Variants in FADS2 observed in about 807,000 individuals in gnomAD.
FADS2 encodes acyl-CoA 6-desaturase.
Under a neutral mutation model 61.2 loss-of-function variants are expected in FADS2, and 18 were observed. The ratio of observed to expected loss-of-function variants is 0.29; its 90% CI spans 0.20 to 0.44. FADS2 has a LOEUF of 0.44. Among genes scored for constraint, FADS2 ranks in the 20% least tolerant of loss-of-function variants. The pLI, the probability that FADS2 is intolerant of heterozygous loss-of-function variation, is 1.00. For synonymous variants in FADS2, 203 were observed against 223.9 expected (o/e 0.91, Z 0.83); for missense variants, 322 against 572.7 (o/e 0.56, Z 4.47).
Position 61,866,160 on chromosome 11 carries a change from C to G in FADS2, c.*471C>G, listed in dbSNP as rs1218320149. 3 of 398,666 alleles carry G rather than the reference C, an allele frequency of 7.5e-6. No homozygotes were observed. Among genetic ancestry groups the G allele is most frequent in the Non-Finnish European group, 1.3e-5 (3 of 226,674 alleles). The allele number at this position is 398,666 out of a possible 1,614,324, so 24.7% of individuals were successfully genotyped here. On this transcript the variant is annotated 3_prime_UTR_variant, in exon 12 of 12. Coordinates refer to ENST00000278840, the MANE Select transcript of FADS2 (RefSeq NM_004265.4). ...GGGCAGGGCCCCTGACCCTCCCGGC[C>G]TGGCTTCACTCTCCCTGACGGCTGC...
Position 61,863,047 on chromosome 11 carries a change from C to G in FADS2, c.958C>G (p.Leu320Val). 1 of 1,614,186 alleles carries G rather than the reference C, an allele frequency of 6.2e-7. No homozygotes were observed. The highest frequency in any genetic ancestry group is 1.1e-5 in the South Asian group (1 of 91,090). Residue 320 changes from leucine (L) to valine (V), a missense_variant, in exon 8 of 12, where the codon CTC becomes GTC. This residue lies in a region of FADS2 where 221 missense variants were observed against 427.9 expected (regional missense o/e 0.52). Transcript: ENST00000278840. ...CCCTTTCTACGGCATCCTGGGAGCC[C>G]TCCTTTTCCTCAACTTCATCAGGTG... is the stretch of plus-strand genomic sequence containing the variant. The part of the protein sequence containing the change: ...YIPFYGILGA[L>V]LFLNFIRFLE...
intron 7 of FADS2, 67 bp from the exon 8 acceptor site, chr11:61,862,905 G>C: frequency 7.9e-7 from 1 of 1,263,852 alleles, no homozygotes; most frequent in Non-Finnish European, 1.2e-6. Context: ...GTGCACATCT[G>C]GGGCACGCAC....
chr11:61,837,790 G>A lies in FADS2; in HGVS notation c.220G>A (p.Ala74Thr), dbSNP rs373804840. 9 of 1,612,004 alleles carry A rather than the reference G, an allele frequency of 5.6e-6. 1 individual carries two copies. The highest frequency in any genetic ancestry group is 1.3e-5 in the African/African-American group (1 of 74,842). Residue 74 changes from alanine (A) to threonine (T), a missense_variant, in exon 2 of 12, where the codon GCC becomes ACC. Transcript: ENST00000278840. ...AGEDATDAFR[A>T]FHPDLEFVGK... ...CTCTGCTCTCCAGGATGCCTTCCGC[G>A]CCTTCCACCCTGACCTGGAATTCGT...
At chr11:61,821,035 G>T (rs2067033063) in intron 1 of FADS2, among the ~76,000 whole-genome samples, 1 of 152,228 alleles carries the variant, frequency 6.6e-6, no homozygotes. Context: ...TACACAGGTG[G>T]TCACACAGAC....
chr11:61,824,427 AG>A (rs1565325128), upstream of FADS2, among the ~76,000 whole-genome samples: 1 of 8,452 alleles, frequency 1.2e-4, no homozygotes, highest in Non-Finnish European at 3.3e-4. Flanking sequence ...AGAGAGAGAG[AG>A]AGAGAGGGAG....
In FADS2 at chr11:61,816,485, G is replaced by A. The variant is rs566347858; in HGVS notation, c.141+59G>A. On this transcript the variant is annotated intron_variant, in intron 1 of 11. Transcript: ENST00000257261. The surrounding 1 kb of genome is among the most constrained non-coding windows in gnomAD (Gnocchi z 7.0). ...TTAGTCGGTGTTTGGCTCGGAGTGC[G>A]TAACTCTGTCTCCCCTGCACTCAGC... is the stretch of plus-strand genomic sequence containing the variant. The A allele has an allele frequency of 1.7e-5, 27 of 1,600,866 alleles. No individual in the cohort carries two copies. The Admixed American group carries it at 4.2e-4, about 25-fold the overall frequency.
At chr11:61,852,113 G>A (rs1190620145) in intron 5 of FADS2, among the ~76,000 whole-genome samples, 1 of 152,118 alleles carries the variant, frequency 6.6e-6, no homozygotes, top group Non-Finnish European at 1.5e-5. Flanking sequence ...TCCTGAGCCC[G>A]GGCTTGGCCT....
chr11:61,823,768 T>G (rs1261631025), upstream of FADS2, among the ~76,000 whole-genome samples: 1 of 152,184 alleles, frequency 6.6e-6, no homozygotes, highest in Non-Finnish European at 1.5e-5. Context: ...CCTCCCACCT[T>G]GGCCTCCCAA....
At chr11:61,833,110 G>A (rs764761840) in intron 1 of FADS2, among the ~76,000 whole-genome samples, 15 of 152,248 alleles carry the variant, frequency 9.9e-5, no homozygotes, top group East Asian at 1.9e-4. Flanking sequence ...TGTGACAAGC[G>A]CTTCAGAATC....
At chr11:61,835,948 A>G (rs2067170731) in intron 1 of FADS2, among the ~76,000 whole-genome samples, 1 of 152,242 alleles carries the variant, frequency 6.6e-6, no homozygotes, top group East Asian at 1.9e-4. Context: ...GTCACATTTA[A>G]GAAAATTAAT....
At chr11:61,846,408 CTT>C (rs112121999) in intron 4 of FADS2, among the ~76,000 whole-genome samples, 7 of 137,920 alleles carry the variant, frequency 5.1e-5, no homozygotes, top group Admixed American at 3.6e-4. Context: ...CACTCTCTGA[CTT>C]TTTTTTTTTT....
intron 1 of FADS2, among the ~76,000 whole-genome samples, chr11:61,831,695 G>A (rs2067131197): frequency 6.6e-6 from 1 of 152,138 alleles, no homozygotes; most frequent in Non-Finnish European, 1.5e-5. Context: ...ACTCGGATCA[G>A]CCCCGTAGGC....
intron 2 of FADS2, 126 bp from the exon 3 acceptor site, chr11:61,840,208 G>A (rs1315041000): frequency 2.6e-6 from 2 of 767,348 alleles, no homozygotes; most frequent in East Asian, 5.2e-5. Context: ...CGAGGCTTGT[G>A]GCTTGGCCCC....
intron 1 of FADS2, among the ~76,000 whole-genome samples, chr11:61,837,146 T>A (rs191458568): frequency 3.6e-4 from 55 of 152,310 alleles, no homozygotes; most frequent in Admixed American, 3.1e-3. Context: ...ATTATAGCAG[T>A]GTTAGAGTTT....
At position 61,866,259 on chromosome 11, in the gene FADS2, T is replaced by G; in HGVS notation, c.*570T>G. The G allele has an allele frequency of 1.1e-5, 4 of 349,184 alleles. No homozygotes were observed. Among genetic ancestry groups the G allele is most frequent in the East Asian group, 4.2e-5 (1 of 23,696 alleles). 21.6% of individuals were successfully genotyped at this position (349,184 alleles called of 1,614,324 possible). On this transcript the variant is annotated 3_prime_UTR_variant, in exon 12 of 12. Coordinates refer to ENST00000278840, the MANE Select transcript of FADS2 (RefSeq NM_004265.4). Reference sequence around the variant, plus strand: ...GTCTCCCTCCTGCAGCTCGGTTAAGTACCCGAGGCCTCTCTTAAGATGTCC... The same window carrying G: ...GTCTCCCTCCTGCAGCTCGGTTAAGGACCCGAGGCCTCTCTTAAGATGTCC...
rs2067304995 is a variant in FADS2, at chr11:61,851,310, G to T, written c.744+3026G>T. On this transcript the variant is annotated intron_variant, in intron 5 of 11. Transcript: ENST00000278840. Reference sequence around the variant, plus strand: ...AGAAGGCGTCTTTCTTGTGCGTGGTGGCCAGAGAAGCCTCTCCTTTCCCGA... The same window carrying T: ...AGAAGGCGTCTTTCTTGTGCGTGGTTGCCAGAGAAGCCTCTCCTTTCCCGA... Among the ~76,000 whole-genome samples, 3 of 152,198 alleles carry T rather than the reference G, an allele frequency of 2.0e-5. No homozygotes were observed. In the South Asian group the frequency reaches 6.2e-4, roughly 32 times the overall value.
chr11:61,834,484 G>C (rs1201857454), intron 1 of FADS2, among the ~76,000 whole-genome samples: 2 of 152,066 alleles, frequency 1.3e-5, no homozygotes, highest in African/African-American at 4.8e-5. Context: ...ATTACCCCTG[G>C]GCTCAGGGAG....
intron 4 of FADS2, chr11:61,846,829 C>T (rs1287045933): frequency 6.6e-6 from 1 of 152,118 alleles, no homozygotes; most frequent in African/African-American, 2.4e-5. Context: ...TCTTCTTGTT[C>T]ATGTTAGCAG....
At position 61,816,999 on chromosome 11, in the gene FADS2, C is replaced by T; in HGVS notation, c.141+573C>T. On this transcript the variant is annotated intron_variant, in intron 1 of 11. Transcript: ENST00000257261. This position sits in a 1 kb window ranked among gnomAD's most constrained non-coding sequence, Gnocchi z 7.0. ...GGGTCTTGGGCAACTCACAGCTGGG[C>T]TGCCAACACGCGCCCCCTCGCGGGC... 1 of 1,329,248 alleles carries T rather than the reference C, an allele frequency of 7.5e-7. No individual in the cohort carries two copies. Among genetic ancestry groups the T allele is most frequent in the Non-Finnish European group, 9.6e-7 (1 of 1,042,644 alleles). The allele number at this position is 1,329,248 out of a possible 1,614,324, so 82.3% of individuals were successfully genotyped here. A position where few individuals can be genotyped will look rare whatever the true frequency, so the allele number is the denominator to read the frequency against.
Sources: allele counts gnomAD v4.1 joint callset (sites outside exome capture counted in the v4.1 genomes callset), GRCh38; gene constraint gnomAD v4.1.1; regional missense constraint gnomAD v4.1.1; non-coding constraint Gnocchi (gnomAD v3.1); transcripts MANE v1.5; gene names NCBI Gene and HGNC (gene_info 2026-07-23, HGNC 2026-07-21).